Variants in IQCE observed in about 807,000 individuals in gnomAD.
The protein encoded by IQCE is IQ domain-containing protein E.
IQCE carries 115 observed loss-of-function variants against 96.0 expected under a neutral mutation model. The ratio of observed to expected loss-of-function variants is 1.20; its 90% CI spans 1.03 to 1.40. The LOEUF is 1.40. Ranked by LOEUF, IQCE falls within the 40% of genes most tolerant of loss-of-function variation. IQCE has a pLI of 0.00. For synonymous variants in IQCE, 412 were observed against 371.2 expected (o/e 1.11, Z -1.26); for missense variants, 1,041 against 909.1 (o/e 1.15, Z -1.87).
chr7:2,607,524 G>C, intron 21 of IQCE: 1 of 1,288,422 alleles, frequency 7.8e-7, no homozygotes, highest in Non-Finnish European at 9.8e-7. Context: ...CATTTCTCCT[G>C]TTTGTTTGTT....
At chr7:2,559,371 C>G (rs1396416592) in intron 1 of IQCE, 154 bp downstream of exon 1, 6 of 356,504 alleles carry the variant, frequency 1.7e-5, no homozygotes, top group Non-Finnish European at 2.8e-5. Flanking sequence ...TGTTACCGCA[C>G]AAGAGCGCGC....
chr7:2,608,163 G>A (rs1038258435), intron 21 of IQCE, among the ~76,000 whole-genome samples: 2 of 152,248 alleles, frequency 1.3e-5, no homozygotes, highest in Non-Finnish European at 2.9e-5. Context: ...GTCCCTTCAG[G>A]ACGGGCCCAG....
chr7:2,574,709 T>G (rs910650133), intron 6 of IQCE, among the ~76,000 whole-genome samples: 2 of 152,262 alleles, frequency 1.3e-5, no homozygotes, highest in Admixed American at 1.3e-4. Context: ...AGTCTTGAGT[T>G]GTTTTTTCAG....
rs943181155 is a variant in IQCE, at chr7:2,559,041, G to C, written c.-141G>C. ...GCTTACCCGGCTGGGTAGGTCGGCG[G>C]CCTGGTTGCCATGGCAGCGGGGTCG... On this transcript the variant is annotated 5_prime_UTR_variant, in exon 1 of 22. Transcript: ENST00000402050. 2.5e-6 allele frequency: 1 copy of C among 406,238 alleles called. No homozygotes were observed. The highest frequency in any genetic ancestry group is 1.3e-4 in the South Asian group (1 of 7,860). The allele number at this position is 406,238 out of a possible 1,614,324, so 25.2% of individuals were successfully genotyped here.
intron 4 of IQCE, among the ~76,000 whole-genome samples, 162 bp downstream of exon 4, chr7:2,571,816 C>T (rs914175220): frequency 1.3e-5 from 2 of 152,160 alleles, no homozygotes; most frequent in African/African-American, 2.4e-5. Context: ...TTATGTCATG[C>T]ATAAATGTGG....
chr7:2,605,869 A>C lies in IQCE; in HGVS notation c.1744-7A>C, dbSNP rs1050420499. 1.3e-6 allele frequency: 2 copies of C among 1,573,362 alleles called. No individual in the cohort carries two copies. The highest frequency in any genetic ancestry group is 1.7e-6 in the Non-Finnish European group (2 of 1,160,344). Reference sequence around the variant, plus strand: ...CAGTCGTCTTCCCTGCTGTCCTTGCACCCCAGAGCTCTCCTGTGCCCCGCG... The same window carrying C: ...CAGTCGTCTTCCCTGCTGTCCTTGCCCCCCAGAGCTCTCCTGTGCCCCGCG... On this transcript the variant is annotated splice_region_variant and splice_polypyrimidine_tract_variant and intron_variant, in intron 19 of 21. Coordinates refer to ENST00000402050, the MANE Select transcript of IQCE (RefSeq NM_152558.5).
chr7:2,571,775 C>A, intron 4 of IQCE, 121 bp downstream of exon 4: 1 of 1,130,784 alleles, frequency 8.8e-7, no homozygotes, highest in Non-Finnish European at 1.2e-6. Context: ...CTTTAGTTTT[C>A]TCGAAGACAT....
chr7:2,579,709 G>GTC (rs1782508275), intron 8 of IQCE, among the ~76,000 whole-genome samples: 1 of 124,104 alleles, frequency 8.1e-6, no homozygotes, highest in Admixed American at 8.1e-5. Context: ...TGGTGTGTGT[G>GTC]TGTGTGTGTG....
intron 4 of IQCE, 66 bp from the exon 5 acceptor site, chr7:2,572,126 A>C: frequency 6.6e-7 from 1 of 1,513,782 alleles, no homozygotes. Flanking sequence ...AAAGTTGATT[A>C]GAAACAAAAC....
At chr7:2,606,241 C>G (rs567213610) in intron 20 of IQCE, among the ~76,000 whole-genome samples, 1 of 152,166 alleles carries the variant, frequency 6.6e-6, no homozygotes, top group African/African-American at 2.4e-5. Flanking sequence ...AGAGTCGCTT[C>G]TTCCCTACCG....
chr7:2,609,530 CCA>C (rs999585552), intron 21 of IQCE, among the ~76,000 whole-genome samples: 31 of 152,296 alleles, frequency 2.0e-4, no homozygotes, highest in Middle Eastern at 6.8e-3. Flanking sequence ...GGGAATGACT[CCA>C]GTGTGGACTC....
At chr7:2,564,512 C>T (rs1445037754) in intron 1 of IQCE, among the ~76,000 whole-genome samples, 5 of 151,660 alleles carry the variant, frequency 3.3e-5, no homozygotes, top group East Asian at 1.9e-4. Context: ...GCAGGAGAAT[C>T]GCTTGTACCC....
rs533651730 is a variant in IQCE at position 2,612,888 on chromosome 7, G to A, written c.*2726G>A. 4.6e-5 allele frequency: 7 copies of A among 152,312 alleles called. No homozygotes were observed. Among genetic ancestry groups the A allele is most frequent in the Admixed American group, 2.6e-4 (4 of 15,284 alleles). 9.4% of individuals were successfully genotyped at this position (152,312 alleles called of 1,614,324 possible). A position where few individuals can be genotyped will look rare whatever the true frequency, so the allele number is the denominator to read the frequency against. On this transcript the variant is annotated 3_prime_UTR_variant, in exon 22 of 22. Coordinates refer to ENST00000402050, the MANE Select transcript of IQCE (RefSeq NM_152558.5). Reference sequence around the variant, plus strand: ...GGGCCTAGGAAAGTAGACAACTCCCGGGGGAGACGAAGTAGAGAGTGAGTC... The same window carrying A: ...GGGCCTAGGAAAGTAGACAACTCCCAGGGGAGACGAAGTAGAGAGTGAGTC...
rs1441039976 is a variant in IQCE at position 2,572,292 on chromosome 7, G to A, written c.360G>A (p.Val120=). 6.2e-7 allele frequency: 1 copy of A among 1,614,194 alleles called. No homozygotes were observed. The highest frequency in any genetic ancestry group is 8.5e-7 in the Non-Finnish European group (1 of 1,180,034). ...TPDCLTDTFR[V]KRPHLRRSAS... Reference sequence around the variant, plus strand: ...ACTGTCTGACAGACACCTTCAGAGTGAAGAGGCCACATCTCAGGCGCTCTG... The same window carrying A: ...ACTGTCTGACAGACACCTTCAGAGTAAAGAGGCCACATCTCAGGCGCTCTG... Residue 120 remains valine, a synonymous_variant, in exon 5 of 22, where the codon GTG becomes GTA. Transcript: ENST00000402050.
intron 18 of IQCE, chr7:2,601,845 C>G (rs983428566): frequency 4.8e-6 from 1 of 207,954 alleles, no homozygotes; most frequent in Non-Finnish European, 9.6e-6. Flanking sequence ...CCACCGCGCC[C>G]GGCAAGTCCT....
intron 9 of IQCE, 103 bp downstream of exon 9, chr7:2,582,753 C>A: frequency 2.0e-6 from 2 of 990,562 alleles, no homozygotes; most frequent in South Asian, 1.4e-5. Flanking sequence ...GTCCCTACTC[C>A]CAGCCCAAAG....
At chr7:2,598,124 T>A (rs140831313) in intron 16 of IQCE, 1 of 230,116 alleles carries the variant, frequency 4.3e-6, no homozygotes, top group African/African-American at 2.3e-5. Flanking sequence ...AACAGACAAT[T>A]CTTGCAGGAA....
intron 11 of IQCE, among the ~76,000 whole-genome samples, chr7:2,585,854 C>T (rs1030934668): frequency 7.2e-5 from 11 of 152,178 alleles, no homozygotes; most frequent in Non-Finnish European, 1.5e-4. Context: ...GTACTTTACA[C>T]CTCCTGGGCT....
In IQCE at chr7:2,584,254, C is replaced by G. The variant is rs1027849057; in HGVS notation, c.793C>G (p.Leu265Val). Reference protein sequence around the residue: ...YYEEVHRLQTLLASSETTGKK... With the variant: ...YYEEVHRLQTVLASSETTGKK... ...TTTACAGGTGCATCGTCTCCAGACCCTCTTGGCAAGTTCTGAAACCACCGG... is the reference window on the plus strand; with the variant it reads ...TTTACAGGTGCATCGTCTCCAGACCGTCTTGGCAAGTTCTGAAACCACCGG... The change falls in exon 11 of 22, where the codon CTC becomes GTC. Residue 265 changes from leucine to valine, a missense_variant. Transcript: ENST00000402050. 1.2e-6 allele frequency: 2 copies of G among 1,614,088 alleles called. No individual in the cohort carries two copies. Among genetic ancestry groups the G allele is most frequent in the Non-Finnish European group, 1.7e-6 (2 of 1,179,924 alleles).
Sources: allele counts gnomAD v4.1 joint callset (sites outside exome capture counted in the v4.1 genomes callset), GRCh38; gene constraint gnomAD v4.1.1; transcripts MANE v1.5; gene names NCBI Gene and HGNC (gene_info 2026-07-23, HGNC 2026-07-21).